COG5: variants seen among roughly 807,000 people sequenced by gnomAD.
The protein encoded by COG5 is component of oligomeric golgi complex 5, also known as conserved oligomeric Golgi complex subunit 5.
Under a neutral mutation model 110.4 loss-of-function variants are expected in COG5, and 86 were observed. The ratio of observed to expected loss-of-function variants is 0.78; its 90% confidence interval spans 0.65 to 0.93. The LOEUF is 0.93. Among genes scored for constraint, COG5 ranks in the 40% least tolerant of loss-of-function variants. The pLI, the probability that COG5 is intolerant of heterozygous loss-of-function variation, is 0.00. For synonymous variants in COG5, 360 were observed against 334.6 expected (o/e 1.08, Z -0.83); for missense variants, 1,077 against 987.0 (o/e 1.09, Z -1.22).
chr7:107,278,495 CCA>C, intron 14 of COG5, among the ~76,000 whole-genome samples: 1 of 152,216 alleles, frequency 6.6e-6, no homozygotes, highest in Non-Finnish European at 1.5e-5. Flanking sequence ...TGGTCAACTC[CCA>C]CTTATGGGTG....
rs776828196 is a variant in COG5 at position 107,558,056 on chromosome 7, T to C, written c.154A>G (p.Ile52Val). 20 of 1,613,720 alleles carry C rather than the reference T, an allele frequency of 1.2e-5. No individual in the cohort carries two copies. In the Admixed American group the frequency reaches 2.5e-4, roughly 20 times the overall value. Residue 52 changes from isoleucine to valine, a missense_variant, in exon 2 of 22, where the codon ATT (isoleucine) becomes GTT (valine). Ile to Val is a conservative substitution (Grantham distance 29). Coordinates refer to ENST00000297135, the MANE Select transcript of COG5 (RefSeq NM_006348.5). Reference protein sequence around the residue: ...FDVKTYTSQSIHQAVIAEQLA... With the variant: ...FDVKTYTSQSVHQAVIAEQLA... ...TGTTCAGCAATTACAGCTTGATGAATAGATTGAGAAGTATAAGTCTTTACA... is the reference window on the plus strand; with the variant it reads ...TGTTCAGCAATTACAGCTTGATGAACAGATTGAGAAGTATAAGTCTTTACA...
chr7:107,453,899 T>C (rs1444261603), intron 6 of COG5, among the ~76,000 whole-genome samples: 5 of 152,186 alleles, frequency 3.3e-5, no homozygotes, highest in Non-Finnish European at 5.9e-5. Context: ...CTTCAGATGA[T>C]TCATACCACA....
At chr7:107,267,851 T>C (rs1803925602) in intron 14 of COG5, among the ~76,000 whole-genome samples, 1 of 152,188 alleles carries the variant, frequency 6.6e-6, no homozygotes, top group East Asian at 1.9e-4. Context: ...AGGCCAGGAG[T>C]TCGAGACCAG....
intron 10 of COG5, among the ~76,000 whole-genome samples, chr7:107,325,012 T>C (rs917694942): frequency 2.6e-5 from 4 of 152,168 alleles, no homozygotes; most frequent in African/African-American, 9.7e-5. Context: ...ACATGCTTGT[T>C]AGGATAACTA....
intron 6 of COG5, among the ~76,000 whole-genome samples, chr7:107,467,420 A>G (rs928694940): frequency 6.6e-6 from 1 of 152,116 alleles, no homozygotes; most frequent in African/African-American, 2.4e-5. Context: ...GTAGCGGTGC[A>G]ATCGCAGCTC....
intron 6 of COG5, among the ~76,000 whole-genome samples, chr7:107,453,100 C>T (rs1310779937): frequency 3.3e-5 from 5 of 152,282 alleles, no homozygotes; most frequent in African/African-American, 1.2e-4. Context: ...CCGTTTTGGA[C>T]ACACAGAATG....
chr7:107,544,541 T>C (rs115211555), intron 5 of COG5, among the ~76,000 whole-genome samples: 2,263 of 152,310 alleles, frequency 0.015, 60 homozygotes, highest in African/African-American at 0.053. Flanking sequence ...GCACCAGACC[T>C]GTGCACCTGC....
intron 12 of COG5, among the ~76,000 whole-genome samples, chr7:107,285,801 G>C (rs1805578662): frequency 6.6e-6 from 1 of 151,482 alleles, no homozygotes; most frequent in African/African-American, 2.4e-5. Context: ...AGGAGGAAAG[G>C]GTGCAGTGAG....
chr7:107,334,266 G>C (rs1380326645), intron 10 of COG5, among the ~76,000 whole-genome samples: 1 of 148,674 alleles, frequency 6.7e-6, no homozygotes, highest in Non-Finnish European at 1.5e-5. Context: ...AATGAGGCTG[G>C]AGGACATTAT....
intron 10 of COG5, among the ~76,000 whole-genome samples, chr7:107,351,530 G>A (rs888790912): frequency 5.3e-5 from 8 of 152,046 alleles, no homozygotes; most frequent in South Asian, 2.1e-4. Context: ...GCAACCTACA[G>A]AATGGGAGAA....
intron 21 of COG5, among the ~76,000 whole-genome samples, chr7:107,205,298 A>G (rs1798681828): frequency 6.6e-6 from 1 of 152,168 alleles, no homozygotes; most frequent in East Asian, 1.9e-4. Flanking sequence ...TGCTCTGGTC[A>G]GTGCCTAGAC....
rs142552893 is a variant in COG5, at chr7:107,258,450, T to TCTCA, written c.1576-68_1576-67insTGAG. On this transcript the variant is annotated intron_variant, in intron 14 of 21. Coordinates refer to ENST00000297135, the MANE Select transcript of COG5 (RefSeq NM_006348.5). ...TTCTCTCTCTCTCTCTCTCTCTCTC[T>TCTCA]CACACACACACATACACACACACAC... The TCTCA allele has an allele frequency of 0.14, 98,623 of 684,318 alleles. 1,689 individuals carry two copies. Among genetic ancestry groups the TCTCA allele is most frequent in the Non-Finnish European group, 0.16 (61,399 of 384,654 alleles). The allele number at this position is 684,318 out of a possible 1,614,324, so 42.4% of individuals were successfully genotyped here.
At position 107,283,617 on chromosome 7, in the gene COG5, G is replaced by A. The variant is rs1317986871; in HGVS notation, c.1429C>T (p.Pro477Ser). ...CCATCAAGTTCATCAGAGGAAGGAG[G>A]ATTACGACCACCCGGGGGAAAAACC... ...NLVFPPGGRN[P>S]PSSDELDGII... is the part of the protein sequence containing the mutation. The change falls in exon 13 of 22, where the codon CCT becomes TCT. Residue 477 changes from proline (P) to serine (S), a missense_variant. Transcript: ENST00000297135. 1 of 1,613,962 alleles carries A rather than the reference G, an allele frequency of 6.2e-7. No individual in the cohort carries two copies. Among genetic ancestry groups the A allele is most frequent in the Non-Finnish European group, 8.5e-7 (1 of 1,179,916 alleles).
rs754919944 is a variant in COG5 at position 107,546,435 on chromosome 7, G to GTTTTTTTTTTTTTTTTT, written c.417+1659_417+1675dup. Among the ~76,000 whole-genome samples, 376 of 119,464 alleles carry GTTTTTTTTTTTTTTTTT rather than the reference G, an allele frequency of 3.1e-3. 2 individuals carry two copies. Among genetic ancestry groups the GTTTTTTTTTTTTTTTTT allele is most frequent in the Non-Finnish European group, 4.6e-3 (265 of 58,228 alleles). The allele number at this position is 119,464 out of a possible 152,430, so 78.4% of individuals were successfully genotyped here. ...ACCAAGAGTTGTGTTTTGGTTTTTT[G>GTTTTTTTTTTTTTTTTT]TTTTTTTTTTTTTTTTTTGAGACAA... is the stretch of plus-strand genomic sequence containing the variant. On this transcript the variant is annotated intron_variant, in intron 5 of 21. Transcript: ENST00000297135.
chr7:107,360,835 T>G (rs114763168), intron 10 of COG5, among the ~76,000 whole-genome samples: 2,238 of 152,272 alleles, frequency 0.015, 54 homozygotes, highest in African/African-American at 0.052. Context: ...AGTTGTGGGG[T>G]CTGGGCTGGT....
intron 6 of COG5, among the ~76,000 whole-genome samples, chr7:107,467,587 A>C (rs1796373999): frequency 6.6e-6 from 1 of 152,084 alleles, no homozygotes; most frequent in African/African-American, 2.4e-5. Flanking sequence ...CCTGACCTCA[A>C]GTGATCCACC....
At chr7:107,234,785 T>G (rs1801050052) in intron 18 of COG5, among the ~76,000 whole-genome samples, 1 of 152,116 alleles carries the variant, frequency 6.6e-6, no homozygotes, top group Non-Finnish European at 1.5e-5. Context: ...ACACTTTTTT[T>G]TTTTAAACAA....
At chr7:107,423,660 C>CAA (rs933313668) in intron 6 of COG5, among the ~76,000 whole-genome samples, 17 of 126,490 alleles carry the variant, frequency 1.3e-4, no homozygotes, top group African/African-American at 4.5e-4. Context: ...AAAGACATTA[C>CAA]AAAAAAAAAA....
intron 19 of COG5, among the ~76,000 whole-genome samples, chr7:107,216,178 G>C (rs1261415788): frequency 6.6e-6 from 1 of 152,154 alleles, no homozygotes; most frequent in Non-Finnish European, 1.5e-5. Flanking sequence ...CATGATAAAG[G>C]TGTCAATTCA....
Sources: gnomAD v4.1 joint callset for allele counts (sites outside exome capture counted in the v4.1 genomes callset) on GRCh38, gnomAD v4.1.1 for gene constraint, MANE v1.5 for transcripts, NCBI Gene and HGNC (gene_info 2026-07-23, HGNC 2026-07-21) for gene names.